Variants in ZNF486 observed in about 807,000 individuals in gnomAD.
ZNF486 encodes zinc finger protein 486.
Under a neutral mutation model 12.8 loss-of-function variants are expected in ZNF486, and 12 were observed. The ratio of observed to expected loss-of-function variants is 0.94; its 90% CI spans 0.60 to 1.52. ZNF486 has a LOEUF of 1.52. Ranked by LOEUF, ZNF486 falls within the 40% of genes most tolerant of loss-of-function variation. ZNF486 has a pLI of 0.00. For missense variants in ZNF486, 738 were observed against 545.0 expected (o/e 1.35, Z -3.53); for synonymous variants, 231 against 184.9 (o/e 1.25, Z -2.02).
rs1555718180 is a variant in ZNF486 at position 20,197,315 on chromosome 19, A to T, written c.605A>T (p.Lys202Ile). The T allele has an allele frequency of 1.2e-6, 2 of 1,612,488 alleles. No individual in the cohort carries two copies. The highest frequency in any genetic ancestry group is 1.7e-6 in the Non-Finnish European group (2 of 1,179,438). ...TCCTCAACCCATACTACACATAAAAAAATTGATACTGGAGAGAAACCATAC... is the reference window on the plus strand; with the variant it reads ...TCCTCAACCCATACTACACATAAAATAATTGATACTGGAGAGAAACCATAC... The part of the protein sequence containing the change: ...NQSSTHTTHK[K>I]IDTGEKPYKC... The change falls in exon 4 of 4, where the codon AAA (lysine) becomes ATA (isoleucine). Residue 202 changes from lysine to isoleucine, a missense_variant. Physicochemically the swap from Lys to Ile is moderately radical, Grantham distance 102 (BLOSUM62 -3). Coordinates refer to ENST00000335117, the MANE Select transcript of ZNF486 (RefSeq NM_052852.4).
chr19:20,168,184 C>T (rs554587724), intron 1 of ZNF486, among the ~76,000 whole-genome samples: 2 of 151,580 alleles, frequency 1.3e-5, no homozygotes, highest in South Asian at 4.2e-4. Flanking sequence ...ACACCGTGAA[C>T]CCCGTCTCTA....
intron 1 of ZNF486, among the ~76,000 whole-genome samples, chr19:20,183,672 TATAGAG>T (rs1302723093): frequency 6.8e-6 from 1 of 146,336 alleles, no homozygotes; most frequent in African/African-American, 2.7e-5. Flanking sequence ...TTTTTTTCAC[TATAGAG>T]ATAATTATTT....
chr19:20,193,033 TTTC>T (rs1315468942), intron 3 of ZNF486, among the ~76,000 whole-genome samples: 2 of 151,126 alleles, frequency 1.3e-5, no homozygotes, highest in Non-Finnish European at 3.0e-5. Flanking sequence ...ACTGGCATGC[TTTC>T]ATTACTTTTT....
At chr19:20,171,737 G>A (rs1241424140) in intron 1 of ZNF486, among the ~76,000 whole-genome samples, 1 of 151,914 alleles carries the variant, frequency 6.6e-6, no homozygotes, top group East Asian at 1.9e-4. Flanking sequence ...TTTTATTTTT[G>A]GTTCGATGTA....
At chr19:20,189,890 A>G (rs1025892986) in intron 3 of ZNF486, among the ~76,000 whole-genome samples, 2 of 152,222 alleles carry the variant, frequency 1.3e-5, no homozygotes, top group Non-Finnish European at 2.9e-5. Flanking sequence ...AAATGGTGGC[A>G]AGACCAATGT....
rs2089999418 is a variant in ZNF486, at chr19:20,200,132, CAT to C, written c.*2032_*2033del. ...AATTTTTCTGAAAAGTGGGTAATGA[CAT>C]AATACAGCTTTCAAATTACTTTATG... On this transcript the variant is annotated 3_prime_UTR_variant, in exon 4 of 4. Coordinates refer to ENST00000335117, the MANE Select transcript of ZNF486 (RefSeq NM_052852.4). 1 of 150,592 alleles carries C rather than the reference CAT, an allele frequency of 6.6e-6. No homozygotes were observed. Among genetic ancestry groups the C allele is most frequent in the Non-Finnish European group, 1.5e-5 (1 of 68,012 alleles). The allele number at this position is 150,592 out of a possible 1,614,324, so 9.3% of individuals were successfully genotyped here. A position where few individuals can be genotyped will look rare whatever the true frequency, so the allele number is the denominator to read the frequency against.
At chr19:20,183,793 A>G (rs1188659029) in intron 1 of ZNF486, among the ~76,000 whole-genome samples, 1 of 152,024 alleles carries the variant, frequency 6.6e-6, no homozygotes, top group Non-Finnish European at 1.5e-5. Context: ...GAAGCCTCTT[A>G]TCTTTGTTTA....
At chr19:20,178,245 C>CT (rs1379226825) in intron 1 of ZNF486, among the ~76,000 whole-genome samples, 1 of 151,244 alleles carries the variant, frequency 6.6e-6, no homozygotes, top group East Asian at 1.9e-4. Flanking sequence ...TTGTTCTTCT[C>CT]TTTTTTTTCT....
chr19:20,170,576 GAAA>G (rs1193135992), intron 1 of ZNF486, among the ~76,000 whole-genome samples: 3 of 145,554 alleles, frequency 2.1e-5, no homozygotes, highest in African/African-American at 7.6e-5. Flanking sequence ...TTCATCACAA[GAAA>G]AAAAAAAGAA....
In ZNF486 at chr19:20,184,358, A is replaced by G. The variant is rs782519359; in HGVS notation, c.33A>G (p.Glu11=). 3 of 1,612,574 alleles carry G rather than the reference A, an allele frequency of 1.9e-6. No homozygotes were observed. The highest frequency in any genetic ancestry group is 2.5e-6 in the Non-Finnish European group (3 of 1,179,170). The change falls in exon 2 of 4, where the codon GAA becomes GAG. Residue 11 remains glutamate (E), a splice_region_variant and synonymous_variant. Coordinates refer to ENST00000335117, the MANE Select transcript of ZNF486 (RefSeq NM_052852.4). MPGPLRSLEM[E]SLQFRDVAVE... ...GTGTGTGTGTGTGTGTTTTTCAGGA[A>G]TCATTGCAATTTAGAGATGTGGCTG...
rs143598559 is a variant in ZNF486 at position 20,170,549 on chromosome 19, G to T, written c.30+3189G>T. On this transcript the variant is annotated intron_variant, in intron 1 of 3. Coordinates refer to ENST00000335117, the MANE Select transcript of ZNF486 (RefSeq NM_052852.4). ...AGATGGTGCCACTGCACTCCAGCCT[G>T]GGCAGCAGAGTGAGACTTCATCACA... Among the ~76,000 whole-genome samples the T allele has an allele frequency of 1.4e-3, 208 of 152,080 alleles. 4 individuals carry two copies. The East Asian group carries it at 0.039, about 28-fold the overall frequency.
At chr19:20,173,316 G>C (rs945949196) in intron 1 of ZNF486, among the ~76,000 whole-genome samples, 1 of 152,150 alleles carries the variant, frequency 6.6e-6, no homozygotes, top group Non-Finnish European at 1.5e-5. Context: ...TTATTAAAGA[G>C]AGAATCCTTC....
chr19:20,197,326 G>T lies in ZNF486; in HGVS notation c.616G>T (p.Gly206Ter). ...TACTACACATAAAAAAATTGATACT[G>T]GAGAGAAACCATACAAATGTGAAGA... ...THTTHKKIDT[G>*]EKPYKCEECG... Residue 206 changes from glycine (G) to a stop codon, truncating the protein, a stop_gained, in exon 4 of 4, where the codon GGA (glycine) becomes TGA (stop). Coordinates refer to ENST00000335117, the MANE Select transcript of ZNF486 (RefSeq NM_052852.4). LOFTEE classifies it low-confidence loss of function (END_TRUNC). The T allele has an allele frequency of 6.2e-7, 1 of 1,613,174 alleles. No homozygotes were observed. Among genetic ancestry groups the T allele is most frequent in the Non-Finnish European group, 8.5e-7 (1 of 1,179,612 alleles).
At position 20,199,885 on chromosome 19, in the gene ZNF486, C is replaced by G. The variant is rs1314226827; in HGVS notation, c.*1783C>G. The stretch of plus-strand genomic sequence containing the variant: ...GGTCAGGAGTTCAAGACCATCTTGG[C>G]CAAGATGGTGAAACCCTGTCTGTAC... On this transcript the variant is annotated 3_prime_UTR_variant, in exon 4 of 4. Transcript: ENST00000335117. 1 of 151,460 alleles carries G rather than the reference C, an allele frequency of 6.6e-6. No homozygotes were observed. The highest frequency in any genetic ancestry group is 2.4e-5 in the African/African-American group (1 of 41,226). The allele number at this position is 151,460 out of a possible 1,614,324, so 9.4% of individuals were successfully genotyped here.
At chr19:20,183,819 G>GA (rs1181379717) in intron 1 of ZNF486, among the ~76,000 whole-genome samples, 3 of 151,838 alleles carry the variant, frequency 2.0e-5, no homozygotes, top group East Asian at 1.9e-4. Context: ...TAGAAAATCT[G>GA]AAAAAAACAC....
intron 1 of ZNF486, among the ~76,000 whole-genome samples, chr19:20,183,362 G>A (rs2089806933): frequency 6.6e-6 from 1 of 152,088 alleles, no homozygotes; most frequent in East Asian, 1.9e-4. Flanking sequence ...ATATGGAATG[G>A]CATTTATTAT....
chr19:20,188,211 C>CTT (rs782484112), intron 3 of ZNF486, among the ~76,000 whole-genome samples: 2 of 151,616 alleles, frequency 1.3e-5, no homozygotes, highest in Non-Finnish European at 2.9e-5. Context: ...TGGAGATAGT[C>CTT]TTTTTTTTCA....
At chr19:20,170,985 A>G (rs1278783609) in intron 1 of ZNF486, among the ~76,000 whole-genome samples, 2 of 152,232 alleles carry the variant, frequency 1.3e-5, no homozygotes, top group African/African-American at 4.8e-5. Flanking sequence ...ACATTAGTTC[A>G]AAAGAATAGA....
intron 3 of ZNF486, among the ~76,000 whole-genome samples, chr19:20,186,685 C>T (rs2089850355): frequency 6.6e-6 from 1 of 151,690 alleles, no homozygotes; most frequent in South Asian, 2.1e-4. Context: ...GAAAAAAATA[C>T]CACTGCAATT....
Sources: gnomAD v4.1 joint callset for allele counts (sites outside exome capture counted in the v4.1 genomes callset) on GRCh38, gnomAD v4.1.1 for gene constraint, MANE v1.5 for transcripts, NCBI Gene and HGNC (gene_info 2026-07-23, HGNC 2026-07-21) for gene names.